Variants in ANO2 observed in about 807,000 individuals in gnomAD.
ANO2 encodes anoctamin 2.
Under a neutral mutation model 124.2 loss-of-function variants are expected in ANO2, and 101 were observed. The ratio of observed to expected loss-of-function variants is 0.81; its 90% CI spans 0.69 to 0.96. The LOEUF is 0.96. Ranked by LOEUF, ANO2 falls within the 40% of genes least tolerant of loss-of-function variation. The pLI, the probability that ANO2 is intolerant of heterozygous loss-of-function variation, is 0.00. For missense variants in ANO2, 1,293 were observed against 1,274.5 expected (o/e 1.01, Z -0.22); for synonymous variants, 486 against 482.5 (o/e 1.01, Z -0.09).
chr12:5,893,116 A>G (rs1005101158), intron 3 of ANO2, among the ~76,000 whole-genome samples: 3 of 152,206 alleles, frequency 2.0e-5, no homozygotes, highest in Non-Finnish European at 4.4e-5. Flanking sequence ...TCAAAGACTG[A>G]AATCTAAGAA....
At chr12:5,914,490 C>T (rs1316146756) in intron 3 of ANO2, among the ~76,000 whole-genome samples, 2 of 152,284 alleles carry the variant, frequency 1.3e-5, no homozygotes, top group Admixed American at 6.5e-5. Context: ...CAGAGTAGGG[C>T]TCCACCTCCC....
chr12:5,740,538 A>G (rs1023295358), intron 12 of ANO2: 4 of 154,146 alleles, frequency 2.6e-5, no homozygotes, highest in African/African-American at 9.7e-5. Context: ...AGTTGTTTAC[A>G]ATCTGTGAGA....
chr12:5,733,203 T>C (rs911629727), intron 13 of ANO2: 13 of 437,282 alleles, frequency 3.0e-5, no homozygotes, highest in Non-Finnish European at 5.1e-5. Flanking sequence ...CCTGGACCTG[T>C]TTCCTGTGCA....
intron 10 of ANO2, among the ~76,000 whole-genome samples, chr12:5,764,779 CAG>C (rs1200564901): frequency 2.0e-5 from 3 of 149,578 alleles, no homozygotes; most frequent in Admixed American, 1.3e-4. Flanking sequence ...TTCGATCGTT[CAG>C]AGACAGATTT....
chr12:5,802,416 A>G (rs901416378), intron 9 of ANO2, among the ~76,000 whole-genome samples: 1 of 152,264 alleles, frequency 6.6e-6, no homozygotes, highest in African/African-American at 2.4e-5. Flanking sequence ...GAGGCGGTGC[A>G]GCAATTACGC....
At chr12:5,880,867 AGTGGATGGG>A (rs1938445716) in intron 3 of ANO2, among the ~76,000 whole-genome samples, 4 of 119,556 alleles carry the variant, frequency 3.3e-5, no homozygotes, top group South Asian at 2.9e-4. Context: ...TAGATGGATG[AGTGGATGGG>A]TGGATGAGTG....
intron 4 of ANO2, among the ~76,000 whole-genome samples, chr12:5,834,819 C>T (rs1032761197): frequency 2.0e-5 from 3 of 152,118 alleles, no homozygotes; most frequent in Non-Finnish European, 2.9e-5. Context: ...CTCACTTAAC[C>T]GTTTGGAATA....
At chr12:5,682,191 T>A (rs145493150) in intron 14 of ANO2, among the ~76,000 whole-genome samples, 28 of 152,346 alleles carry the variant, frequency 1.8e-4, no homozygotes, top group Non-Finnish European at 3.2e-4. Flanking sequence ...TCCCAACTCC[T>A]ATATTTATCA....
At chr12:5,656,399 T>C (rs565902287) in intron 14 of ANO2, among the ~76,000 whole-genome samples, 3 of 152,350 alleles carry the variant, frequency 2.0e-5, no homozygotes, top group East Asian at 1.9e-4. Flanking sequence ...AACTGAACCA[T>C]GACCCTTTGA....
At chr12:5,811,800 C>T (rs773823712) in intron 7 of ANO2, among the ~76,000 whole-genome samples, 7 of 152,160 alleles carry the variant, frequency 4.6e-5, no homozygotes, top group Non-Finnish European at 8.8e-5. Context: ...CACCACAATG[C>T]AGTACCCAAA....
intron 15 of ANO2, among the ~76,000 whole-genome samples, chr12:5,641,295 G>A (rs1157168754): frequency 6.6e-6 from 1 of 152,090 alleles, no homozygotes; most frequent in Non-Finnish European, 1.5e-5. Flanking sequence ...AATGGGTGCA[G>A]CAAAGCAACA....
intron 3 of ANO2, among the ~76,000 whole-genome samples, chr12:5,914,158 CT>C (rs1941234155): frequency 4.6e-5 from 7 of 151,786 alleles, no homozygotes; most frequent in Admixed American, 3.3e-4. Context: ...CAAGATTGCG[CT>C]ACTGCACTCC....
At chr12:5,592,780 G>A (rs1406409078) in intron 20 of ANO2, among the ~76,000 whole-genome samples, 2 of 152,168 alleles carry the variant, frequency 1.3e-5, no homozygotes, top group African/African-American at 2.4e-5. Context: ...CAAAGTCAGC[G>A]AGGTAAGTAT....
intron 10 of ANO2, among the ~76,000 whole-genome samples, chr12:5,782,950 C>T (rs537572554): frequency 3.3e-5 from 5 of 152,328 alleles, no homozygotes; most frequent in African/African-American, 1.2e-4. Context: ...ATCTTCCCTA[C>T]TGCCAATCTA....
intron 5 of ANO2, 44 bp from the exon 6 acceptor site, chr12:5,830,533 CTT>C (rs1185202311): frequency 6.3e-7 from 1 of 1,576,656 alleles, no homozygotes; most frequent in African/African-American, 1.3e-5. Context: ...TTTCATTACC[CTT>C]GCCCTGAGAC....
At chr12:5,725,099 A>T (rs79405592) in intron 14 of ANO2, among the ~76,000 whole-genome samples, 2,904 of 52,266 alleles carry the variant, frequency 0.056, 84 homozygotes, top group African/African-American at 0.13. Context: ...TCTCCCTCTC[A>T]CACACACACA....
chr12:5,602,374 C>T (rs142974907), intron 19 of ANO2, among the ~76,000 whole-genome samples: 7 of 152,070 alleles, frequency 4.6e-5, no homozygotes, highest in African/African-American at 1.7e-4. Context: ...CCTCAGCCTC[C>T]CAAGTAGCTA....
intron 16 of ANO2, among the ~76,000 whole-genome samples, chr12:5,618,027 G>A (rs1452014019): frequency 6.6e-6 from 1 of 152,152 alleles, no homozygotes; most frequent in African/African-American, 2.4e-5. Flanking sequence ...GTGAGAATGA[G>A]GAAAGTGGAA....
At chr12:5,752,814 C>T (rs541645327) in intron 10 of ANO2, among the ~76,000 whole-genome samples, 14 of 152,042 alleles carry the variant, frequency 9.2e-5, no homozygotes, top group Non-Finnish European at 1.9e-4. Context: ...CTTTTTTCCC[C>T]TGTTTTCTTT....
Sources: allele counts gnomAD v4.1 joint callset (sites outside exome capture counted in the v4.1 genomes callset), GRCh38; gene constraint gnomAD v4.1.1; transcripts MANE v1.5; gene names NCBI Gene and HGNC (gene_info 2026-07-23, HGNC 2026-07-21).